UTRN: variants seen among roughly 807,000 people sequenced by gnomAD.
UTRN encodes dystrophin-related protein 1.
UTRN carries 283 observed loss-of-function variants against 463.9 expected under a neutral mutation model. That is an observed-to-expected ratio of 0.61 (90% CI 0.55 to 0.67). UTRN has a LOEUF of 0.67. UTRN is among the 30% of genes least tolerant of loss of function. UTRN has a pLI of 0.00. For missense variants in UTRN, 3,922 were observed against 4,084.3 expected, an observed-to-expected ratio of 0.96 and a Z score of 1.08; for synonymous variants, 1,442 against 1,431.5, an observed-to-expected ratio of 1.01 and a Z score of -0.17.
At chr6:144,291,967 C>T (rs1213868264) in intron 2 of UTRN, 60 bp downstream of exon 2, 1 of 1,529,956 alleles carries the variant, frequency 6.5e-7, no homozygotes, top group Non-Finnish European at 8.9e-7. Flanking sequence ...ACCTATGTTT[C>T]TTGGATTGAT....
At chr6:144,343,827 C>A (rs942090401) in intron 2 of UTRN, among the ~76,000 whole-genome samples, 7 of 152,032 alleles carry the variant, frequency 4.6e-5, no homozygotes, top group African/African-American at 1.4e-4. Context: ...AGGGCAAACG[C>A]CTTCTAACAT....
At chr6:144,334,790 C>T (rs1562261192) in intron 2 of UTRN, among the ~76,000 whole-genome samples, 1 of 152,168 alleles carries the variant, frequency 6.6e-6, no homozygotes, top group Non-Finnish European at 1.5e-5. Context: ...AGGAACGGCT[C>T]AATAGCTGGG....
At chr6:144,548,880 C>T in intron 47 of UTRN, 26 bp downstream of exon 47, 3 of 1,607,814 alleles carry the variant, frequency 1.9e-6, no homozygotes, top group Non-Finnish European at 2.6e-6. Context: ...AAAAGCTTGT[C>T]ATGGAAACGC....
chr6:144,547,826 A>C (rs1798545681), intron 46 of UTRN, among the ~76,000 whole-genome samples: 2 of 152,232 alleles, frequency 1.3e-5, no homozygotes, highest in African/African-American at 4.8e-5. Flanking sequence ...TAATTTTATA[A>C]CCAGAAATTT....
At chr6:144,467,811 T>C (rs1790112268) in intron 23 of UTRN, among the ~76,000 whole-genome samples, 1 of 152,164 alleles carries the variant, frequency 6.6e-6, no homozygotes, top group Non-Finnish European at 1.5e-5. Flanking sequence ...CACATTTTAC[T>C]TTACTGAAGG....
At chr6:144,339,979 C>A (rs1391647415) in intron 2 of UTRN, among the ~76,000 whole-genome samples, 1 of 152,124 alleles carries the variant, frequency 6.6e-6, no homozygotes, top group Non-Finnish European at 1.5e-5. Context: ...ACCAGCCTGA[C>A]CAACAAGGTG....
chr6:144,525,126 C>G (rs1421786654), intron 41 of UTRN, among the ~76,000 whole-genome samples: 1 of 151,764 alleles, frequency 6.6e-6, no homozygotes. Context: ...GCATCTATAT[C>G]AGGGATTTGG....
chr6:144,600,155 C>T (rs1804092328), intron 51 of UTRN, among the ~76,000 whole-genome samples: 1 of 152,132 alleles, frequency 6.6e-6, no homozygotes, highest in African/African-American at 2.4e-5. Flanking sequence ...CTTGGGCCTC[C>T]CTATTCCCTG....
chr6:144,545,176 G>T (rs1182536922), intron 46 of UTRN, among the ~76,000 whole-genome samples: 1 of 152,110 alleles, frequency 6.6e-6, no homozygotes, highest in Non-Finnish European at 1.5e-5. Context: ...TACTTCCGTG[G>T]TCTTGAACAC....
intron 51 of UTRN, among the ~76,000 whole-genome samples, chr6:144,600,758 A>T (rs150571545): frequency 6.6e-6 from 1 of 152,228 alleles, no homozygotes; most frequent in African/African-American, 2.4e-5. Context: ...CTAAACAACA[A>T]ATTTTCAATG....
At chr6:144,526,543 C>T (rs1254474256) in intron 41 of UTRN, among the ~76,000 whole-genome samples, 3 of 152,072 alleles carry the variant, frequency 2.0e-5, no homozygotes, top group East Asian at 1.9e-4. Flanking sequence ...TGTTATTTTG[C>T]ACCCCTTTGC....
At chr6:144,775,309 A>T (rs1307515074) in intron 60 of UTRN, among the ~76,000 whole-genome samples, 1 of 152,210 alleles carries the variant, frequency 6.6e-6, no homozygotes, top group East Asian at 1.9e-4. Context: ...TTGAGAAAAA[A>T]TAGCAATGCA....
intron 41 of UTRN, among the ~76,000 whole-genome samples, chr6:144,528,676 A>C (rs1039447103): frequency 1.3e-5 from 2 of 152,204 alleles, no homozygotes; most frequent in African/African-American, 4.8e-5. Flanking sequence ...TCAGCTGTGG[A>C]TACCAGCACC....
At chr6:144,495,425 C>T (rs1008078348) in intron 33 of UTRN, among the ~76,000 whole-genome samples, 2 of 152,250 alleles carry the variant, frequency 1.3e-5, no homozygotes, top group African/African-American at 2.4e-5. Flanking sequence ...GCCGGCAGGG[C>T]CAGCCTGCTG....
At chr6:144,405,172 T>TTCA (rs1783276127) in intron 3 of UTRN, among the ~76,000 whole-genome samples, 1 of 152,200 alleles carries the variant, frequency 6.6e-6, no homozygotes. Flanking sequence ...CTACCAAACG[T>TTCA]GGGATGACTC....
In UTRN at chr6:144,523,183, G is replaced by T; in HGVS notation, c.5901G>T (p.Arg1967=). The T allele has an allele frequency of 6.3e-7, 1 of 1,588,270 alleles. No homozygotes were observed. The highest frequency in any genetic ancestry group is 8.6e-7 in the Non-Finnish European group (1 of 1,169,542). ...GAATTAATAGAATGTACAGTGATCG[G>T]AAAGGGTATGTGTAAATGAAATTAA... The part of the protein sequence containing the change: ...WDRINRMYSD[R]KGCFDRAMEE... The change falls in exon 41 of 75, where the codon CGG becomes CGT. Residue 1967 remains arginine (R), a synonymous_variant. Coordinates refer to ENST00000367545, the MANE Select transcript of UTRN (RefSeq NM_007124.3).
intron 25 of UTRN, 57 bp from the exon 26 acceptor site, chr6:144,479,755 C>T: frequency 6.5e-7 from 1 of 1,535,580 alleles, no homozygotes; most frequent in Non-Finnish European, 8.7e-7. Flanking sequence ...AGAGCTAAAA[C>T]TTGACATTGA....
At chr6:144,423,934 A>G (rs1785074533) in intron 5 of UTRN, 52 bp from the exon 6 acceptor site, 2 of 1,568,258 alleles carry the variant, frequency 1.3e-6, no homozygotes, top group Non-Finnish European at 1.7e-6. Flanking sequence ...AGTTCTGTGA[A>G]GAAATTGTCT....
intron 25 of UTRN, among the ~76,000 whole-genome samples, chr6:144,477,555 C>T (rs1791354816): frequency 2.0e-5 from 3 of 151,832 alleles, no homozygotes; most frequent in African/African-American, 7.3e-5. Context: ...CACACACACA[C>T]ACACACGCAC....
Sources: allele counts gnomAD v4.1 joint callset (sites outside exome capture counted in the v4.1 genomes callset), GRCh38; gene constraint gnomAD v4.1.1; transcripts MANE v1.5; gene names NCBI Gene and HGNC (gene_info 2026-07-23, HGNC 2026-07-21).